NIBAN1: variants seen among roughly 807,000 people sequenced by gnomAD.
The protein encoded by NIBAN1 is protein Niban 1.
Under a neutral mutation model 75.1 loss-of-function variants are expected in NIBAN1, and 81 were observed. That is an observed-to-expected ratio of 1.08 (90% CI 0.90 to 1.30). NIBAN1 has a LOEUF of 1.30. Ranked by LOEUF, NIBAN1 falls within the 50% of genes most tolerant of loss-of-function variation. The pLI is 0.00. For missense variants in NIBAN1, 1,133 were observed against 1,128.1 expected (o/e 1.00, Z -0.06); for synonymous variants, 436 against 424.8 (o/e 1.03, Z -0.32).
At chr1:184,882,505 G>C (rs1399281045) in intron 5 of NIBAN1, among the ~76,000 whole-genome samples, 2 of 152,132 alleles carry the variant, frequency 1.3e-5, no homozygotes, top group Non-Finnish European at 2.9e-5. Flanking sequence ...CCTCAGCGAG[G>C]ATAAAACAGT....
intron 1 of NIBAN1, among the ~76,000 whole-genome samples, chr1:184,922,981 T>C (rs2102021095): frequency 6.6e-6 from 1 of 152,336 alleles, no homozygotes; most frequent in East Asian, 1.9e-4. Context: ...GTCAGATGGA[T>C]AGTTTGCAAA....
intron 1 of NIBAN1, among the ~76,000 whole-genome samples, chr1:184,928,899 T>A (rs961042527): frequency 3.3e-5 from 5 of 152,166 alleles, no homozygotes; most frequent in Non-Finnish European, 1.5e-5. Flanking sequence ...TATTAGGCCA[T>A]CTTGCTCTGC....
intron 1 of NIBAN1, among the ~76,000 whole-genome samples, chr1:184,905,092 G>A (rs576256458): frequency 1.3e-5 from 2 of 152,236 alleles, no homozygotes; most frequent in East Asian, 3.9e-4. Context: ...TGATCCTGGA[G>A]GATTATGGGG....
chr1:184,814,302 G>A (rs942221247), intron 9 of NIBAN1, among the ~76,000 whole-genome samples: 1 of 151,962 alleles, frequency 6.6e-6, no homozygotes, highest in Non-Finnish European at 1.5e-5. Context: ...GTTATAAAAG[G>A]TTTATAAAAA....
At chr1:184,867,264 T>A (rs953107852) in intron 5 of NIBAN1, among the ~76,000 whole-genome samples, 1 of 152,126 alleles carries the variant, frequency 6.6e-6, no homozygotes, top group Non-Finnish European at 1.5e-5. Flanking sequence ...AATAGCCTTA[T>A]TGCAAAACTT....
At chr1:184,822,440 C>T (rs1261315652) in intron 8 of NIBAN1, among the ~76,000 whole-genome samples, 4 of 152,192 alleles carry the variant, frequency 2.6e-5, no homozygotes, top group African/African-American at 4.8e-5. Flanking sequence ...AAAGCAGCCA[C>T]AGACAATACA....
At chr1:184,906,645 T>TAAG (rs1333521086) in intron 1 of NIBAN1, among the ~76,000 whole-genome samples, 1 of 151,812 alleles carries the variant, frequency 6.6e-6, no homozygotes, top group African/African-American at 2.4e-5. Context: ...AAGAAAATAA[T>TAAG]AATAATAATA....
At chr1:184,897,394 A>T (rs1367075017) in intron 2 of NIBAN1, among the ~76,000 whole-genome samples, 1 of 151,492 alleles carries the variant, frequency 6.6e-6, no homozygotes, top group African/African-American at 2.4e-5. Context: ...CTTCTGGGAC[A>T]TTATGCTTTT....
chr1:184,803,872 A>G (rs1654116088), intron 11 of NIBAN1, among the ~76,000 whole-genome samples, 180 bp from the exon 12 acceptor site: 1 of 152,222 alleles, frequency 6.6e-6, no homozygotes, highest in South Asian at 2.1e-4. Context: ...ACAGGTTATA[A>G]CTGATAATGA....
intron 9 of NIBAN1, among the ~76,000 whole-genome samples, chr1:184,813,088 A>C (rs1301206488): frequency 6.6e-6 from 1 of 152,258 alleles, no homozygotes; most frequent in African/African-American, 2.4e-5. Context: ...GAGGCACCAG[A>C]GACCCCTTTC....
At chr1:184,897,799 T>C (rs2101986636) in intron 2 of NIBAN1, among the ~76,000 whole-genome samples, 1 of 152,294 alleles carries the variant, frequency 6.6e-6, no homozygotes, top group African/African-American at 2.4e-5. Context: ...TCTCTCTTCT[T>C]CTATTATCTC....
intron 3 of NIBAN1, among the ~76,000 whole-genome samples, chr1:184,892,973 T>A (rs1277023682): frequency 1.3e-5 from 2 of 152,146 alleles, no homozygotes; most frequent in African/African-American, 2.4e-5. Context: ...GGTTTCATCA[T>A]GTTGGCCATG....
intron 5 of NIBAN1, among the ~76,000 whole-genome samples, chr1:184,872,538 T>C (rs959632353): frequency 1.4e-4 from 21 of 152,084 alleles, no homozygotes; most frequent in African/African-American, 5.1e-4. Flanking sequence ...AAACCCCATC[T>C]CTACTAAAAA....
chr1:184,833,633 T>C (rs1026195539), intron 5 of NIBAN1, among the ~76,000 whole-genome samples: 5 of 151,906 alleles, frequency 3.3e-5, no homozygotes, highest in Admixed American at 6.6e-5. Flanking sequence ...ACCCAGGAGT[T>C]TGAGGCTGCA....
chr1:184,911,135 T>G (rs1657231454), intron 1 of NIBAN1, among the ~76,000 whole-genome samples: 1 of 151,850 alleles, frequency 6.6e-6, no homozygotes, highest in South Asian at 2.1e-4. Context: ...AGAACCCAAA[T>G]AAAGATGTAA....
intron 13 of NIBAN1, 111 bp downstream of exon 13, chr1:184,797,968 C>G: frequency 1.8e-6 from 1 of 549,412 alleles, no homozygotes; most frequent in Non-Finnish European, 3.2e-6. Flanking sequence ...CCCTCCCTCA[C>G]CAATGTCCAT....
rs138504632 is a variant in NIBAN1, at chr1:184,836,652, T to C, written c.602-4690A>G. Among the ~76,000 whole-genome samples the C allele has an allele frequency of 2.1e-3, 321 of 152,310 alleles. 4 individuals carry two copies. The highest frequency in any genetic ancestry group is 7.0e-3 in the African/African-American group (290 of 41,572). On this transcript the variant is annotated intron_variant, in intron 5 of 13. Transcript: ENST00000367511. The stretch of plus-strand genomic sequence containing the variant: ...TAATAGTGGTGGAAGTGAAGCATCT[T>C]AATACAGAAGAGAAGAAAAGTATTA...
At chr1:184,885,720 C>T (rs1656508414) in intron 4 of NIBAN1, among the ~76,000 whole-genome samples, 1 of 152,176 alleles carries the variant, frequency 6.6e-6, no homozygotes, top group Admixed American at 6.5e-5. Context: ...TTCCTGTCCC[C>T]ACCAGCTCCT....
rs1658844334 is a variant in NIBAN1, at chr1:184,968,058, CCGGGCGCGG to C, written c.55+6235_55+6243del. Among the ~76,000 whole-genome samples the C allele has an allele frequency of 3.7e-5, 2 of 54,248 alleles. 1 individual carries two copies. Among genetic ancestry groups the C allele is most frequent in the Non-Finnish European group, 9.6e-5 (2 of 20,878 alleles). 35.6% of individuals were successfully genotyped at this position (54,248 alleles called of 152,430 possible). ...CTCTACTAAAAATACAAAAAATTAGCCGGGCGCGGTGGCGGGGGCCTGTAGTCCCAGCTA... is the reference window on the plus strand; with the variant it reads ...CTCTACTAAAAATACAAAAAATTAGCTGGCGGGGGCCTGTAGTCCCAGCTA... On this transcript the variant is annotated intron_variant, in intron 1 of 13. Transcript: ENST00000367511.
Sources: gnomAD v4.1 joint callset for allele counts (sites outside exome capture counted in the v4.1 genomes callset) on GRCh38, gnomAD v4.1.1 for gene constraint, MANE v1.5 for transcripts, NCBI Gene and HGNC (gene_info 2026-07-23, HGNC 2026-07-21) for gene names.